LAIR1: variants seen among roughly 807,000 people sequenced by gnomAD.
The protein encoded by LAIR1 is leukocyte associated immunoglobulin like receptor 1, also known as leukocyte-associated immunoglobulin-like receptor 1.
A neutral mutation model predicts 32.8 loss-of-function variants in LAIR1; 24 were observed. That is an observed-to-expected ratio of 0.73 (90% confidence interval 0.53 to 1.03). The LOEUF (loss-of-function observed/expected upper bound fraction) is 1.03, where lower values mean the gene tolerates loss of function less well. Ranked by LOEUF, LAIR1 falls within the 50% of genes least tolerant of loss-of-function variation. The probability of loss-of-function intolerance (pLI) is 0.00; values close to 1 mark genes in which losing one functional copy is unlikely to be tolerated. For synonymous variants in LAIR1, 150 were observed against 140.5 expected (o/e 1.07, Z -0.48); for missense variants, 355 against 347.5 (o/e 1.02, Z -0.17).
upstream of LAIR1, among the ~76,000 whole-genome samples, chr19:54,366,145 A>G (rs1176995987): frequency 6.6e-6 from 1 of 152,172 alleles, no homozygotes; most frequent in Non-Finnish European, 1.5e-5. Context: ...TTATTAACAA[A>G]CAGGCCTAGA....
In LAIR1 at chr19:54,356,013, G is replaced by A. The variant is rs141264715; in HGVS notation, c.665-7C>T. ...CCATTGACTGTGGCCTTGTCTTGGGGAGAAAATACATGGTCAGTTTTCTGG... is the reference window on the plus strand; with the variant it reads ...CCATTGACTGTGGCCTTGTCTTGGGAAGAAAATACATGGTCAGTTTTCTGG... On this transcript the variant is annotated splice_polypyrimidine_tract_variant and splice_region_variant and intron_variant, in intron 8 of 9. Transcript: ENST00000391742. The A allele has an allele frequency of 9.9e-5, 159 of 1,606,902 alleles. No homozygotes were observed. Among genetic ancestry groups the A allele is most frequent in the Middle Eastern group, 3.3e-4 (2 of 6,038 alleles).
chr19:54,360,890 G>A (rs554237756), intron 3 of LAIR1, 26 bp downstream of exon 3: 2 of 1,598,480 alleles, frequency 1.3e-6, no homozygotes, highest in African/African-American at 2.7e-5. Context: ...GCTGAGACTG[G>A]GGCAGGGCCC....
upstream of LAIR1, among the ~76,000 whole-genome samples, chr19:54,367,734 A>G (rs941368244): frequency 2.4e-4 from 36 of 150,696 alleles, no homozygotes; most frequent in African/African-American, 8.6e-4. Context: ...TGACAGAGCC[A>G]GACTCCATCT....
the LAIR1 span, among the ~76,000 whole-genome samples, chr19:54,375,904 C>G: frequency 1.3e-5 from 2 of 151,702 alleles, no homozygotes; most frequent in Non-Finnish European, 2.9e-5. Flanking sequence ...CTTGAAATAC[C>G]TGCAGTTTGT....
chr19:54,371,820 A>G (rs1332310935), upstream of LAIR1, among the ~76,000 whole-genome samples: 1 of 151,380 alleles, frequency 6.6e-6, no homozygotes, highest in Admixed American at 6.6e-5. Flanking sequence ...CAAGCCTTTT[A>G]TTCTGGCAAC....
chr19:54,373,439 G>A (rs891267024), upstream of LAIR1, among the ~76,000 whole-genome samples: 19 of 151,480 alleles, frequency 1.3e-4, no homozygotes, highest in East Asian at 5.8e-4. Flanking sequence ...GCGAGACTCC[G>A]TCTCAAAAAT....
upstream of LAIR1, among the ~76,000 whole-genome samples, chr19:54,365,423 C>A (rs948384847): frequency 3.3e-5 from 5 of 152,148 alleles, no homozygotes; most frequent in African/African-American, 1.2e-4. Context: ...CTATAGAGAA[C>A]AGTGGGGAGG....
chr19:54,354,640 C>A lies in LAIR1; in HGVS notation c.*628G>T, dbSNP rs1410420180. On this transcript the variant is annotated 3_prime_UTR_variant, in exon 10 of 10. Transcript: ENST00000391742. ...GAAGGCAGAGAGTGGGTCCGAGAGA[C>A]CTATGCACCCAGGACCAGGCCTGGG... The A allele has an allele frequency of 2.0e-5, 3 of 152,212 alleles. No homozygotes were observed. The highest frequency in any genetic ancestry group is 4.4e-5 in the Non-Finnish European group (3 of 68,052). 9.4% of individuals were successfully genotyped at this position (152,212 alleles called of 1,614,324 possible). A position where few individuals can be genotyped will look rare whatever the true frequency, so the allele number is the denominator to read the frequency against.
At chr19:54,366,851 G>C (rs1046563642), upstream of LAIR1, among the ~76,000 whole-genome samples, 5 of 152,256 alleles carry the variant, frequency 3.3e-5, no homozygotes, top group African/African-American at 1.2e-4. Context: ...ACCAACCTAG[G>C]CTCAGATGTG....
upstream of LAIR1, chr19:54,364,986 T>A (rs1013089781): frequency 2.4e-5 from 36 of 1,474,506 alleles, no homozygotes; most frequent in Non-Finnish European, 3.0e-5. This position sits in a 1 kb window ranked among gnomAD's most constrained non-coding sequence, Gnocchi z 4.8. Flanking sequence ...TTCCCACTAG[T>A]GAGACGAGAG....
chr19:54,357,695 C>T (rs1185656181), intron 4 of LAIR1: 3 of 152,308 alleles, frequency 2.0e-5, no homozygotes, highest in Non-Finnish European at 4.4e-5. Flanking sequence ...TCCTGAGGGG[C>T]TCCCCCAAAC....
At chr19:54,372,342 C>T (rs370873865), upstream of LAIR1, among the ~76,000 whole-genome samples, 15 of 151,376 alleles carry the variant, frequency 9.9e-5, 1 homozygote, top group East Asian at 2.3e-3. Flanking sequence ...ATAGGTGTGT[C>T]GTGGTAACTT....
chr19:54,358,461 A>C (rs1469385098), intron 4 of LAIR1: 2 of 1,140,796 alleles, frequency 1.8e-6, no homozygotes, highest in Non-Finnish European at 2.4e-6. Context: ...CTGAAATTCT[A>C]CATTGCAAAT....
At chr19:54,357,102 G>A (rs1180562043) in intron 4 of LAIR1, 136 bp from the exon 5 acceptor site, 8 of 685,598 alleles carry the variant, frequency 1.2e-5, no homozygotes, top group East Asian at 5.6e-5. Flanking sequence ...GACCAGCACC[G>A]ACCAGCAGAG....
chr19:54,372,534 A>C (rs544663364), upstream of LAIR1, among the ~76,000 whole-genome samples: 252 of 135,066 alleles, frequency 1.9e-3, 1 homozygote, highest in Non-Finnish European at 3.3e-3. Flanking sequence ...TCTGTCACCC[A>C]GGCTGGAGTG....
chr19:54,367,948 A>G (rs2082306039), upstream of LAIR1, among the ~76,000 whole-genome samples: 1 of 149,850 alleles, frequency 6.7e-6, no homozygotes, highest in African/African-American at 2.5e-5. Flanking sequence ...AATTTTTTGT[A>G]TTTTTAGTAG....
upstream of LAIR1, among the ~76,000 whole-genome samples, chr19:54,375,345 C>T (rs539287513): frequency 7.2e-5 from 11 of 152,290 alleles, no homozygotes; most frequent in South Asian, 1.0e-3. Flanking sequence ...GCTGCCTGCG[C>T]CCGCCCCGCT....
intron 2 of LAIR1, among the ~76,000 whole-genome samples, chr19:54,362,077 A>G (rs1189164138): frequency 6.6e-6 from 1 of 151,916 alleles, no homozygotes; most frequent in African/African-American, 2.4e-5. Flanking sequence ...TAAGGTGTAC[A>G]ACATGATGTT....
At chr19:54,369,929 G>A (rs1404560181), upstream of LAIR1, among the ~76,000 whole-genome samples, 2 of 149,892 alleles carry the variant, frequency 1.3e-5, no homozygotes, top group African/African-American at 2.5e-5. Flanking sequence ...CTTGGACCTC[G>A]TGGACAGACT....
Sources: allele counts gnomAD v4.1 joint callset (sites outside exome capture counted in the v4.1 genomes callset), GRCh38; gene constraint gnomAD v4.1.1; non-coding constraint Gnocchi (gnomAD v3.1); transcripts MANE v1.5; gene names NCBI Gene and HGNC (gene_info 2026-07-23, HGNC 2026-07-21).